The following SUGCT variants were observed in gnomAD, a reference collection of about 807,000 sequenced individuals.
The protein encoded by SUGCT is succinyl-CoA:glutarate-CoA transferase.
SUGCT carries 41 observed loss-of-function variants against 55.0 expected under a neutral mutation model. The observed-to-expected ratio is 0.74, with a 90% confidence interval of 0.58 to 0.97. The LOEUF (loss-of-function observed/expected upper bound fraction) is 0.97, where lower values mean the gene tolerates loss of function less well. SUGCT is among the 50% of genes least tolerant of loss of function. The pLI, the probability that SUGCT is intolerant of heterozygous loss-of-function variation, is 0.00. For synonymous variants in SUGCT, 187 were observed against 200.4 expected (o/e 0.93, Z 0.56); for missense variants, 568 against 547.8 (o/e 1.04, Z -0.37).
chr7:40,713,399 T>A (rs1785833038), intron 12 of SUGCT, among the ~76,000 whole-genome samples: 1 of 152,222 alleles, frequency 6.6e-6, no homozygotes, highest in Admixed American at 6.5e-5. Flanking sequence ...CTCCCATCTT[T>A]TCTTGGTTAT....
chr7:40,262,446 C>T (rs951562270), intron 7 of SUGCT, among the ~76,000 whole-genome samples: 5 of 145,718 alleles, frequency 3.4e-5, no homozygotes, highest in African/African-American at 7.7e-5. Context: ...GTCAGGAGAT[C>T]GAGACCATCC....
intron 12 of SUGCT, among the ~76,000 whole-genome samples, chr7:40,739,144 C>A (rs1305441137): frequency 3.9e-5 from 6 of 152,146 alleles, no homozygotes; most frequent in African/African-American, 1.4e-4. Flanking sequence ...CACAATATCA[C>A]ATTGAGGGCA....
At chr7:40,189,860 A>C (rs1184172987) in intron 5 of SUGCT, among the ~76,000 whole-genome samples, 1 of 152,168 alleles carries the variant, frequency 6.6e-6, no homozygotes, top group Non-Finnish European at 1.5e-5. Flanking sequence ...CACTTTGCTC[A>C]CATTATCTCC....
At chr7:40,980,978 G>T in the SUGCT span, among the ~76,000 whole-genome samples, 1 of 152,164 alleles carries the variant, frequency 6.6e-6, no homozygotes, top group Non-Finnish European at 1.5e-5. Flanking sequence ...GATTACAGGT[G>T]TGAGTCACCG....
chr7:40,191,700 A>G (rs540494326), intron 5 of SUGCT, among the ~76,000 whole-genome samples: 8 of 152,200 alleles, frequency 5.3e-5, no homozygotes, highest in Non-Finnish European at 1.2e-4. Context: ...TGGCCAGCCA[A>G]TTGCTTTTAG....
chr7:40,184,848 C>A (rs1349306310), intron 3 of SUGCT, among the ~76,000 whole-genome samples: 2 of 151,990 alleles, frequency 1.3e-5, no homozygotes, highest in Non-Finnish European at 2.9e-5. Flanking sequence ...AGTAGAATAT[C>A]TTTTTGTTTG....
At chr7:40,163,159 A>G (rs1784259604) in intron 1 of SUGCT, among the ~76,000 whole-genome samples, 1 of 152,228 alleles carries the variant, frequency 6.6e-6, no homozygotes. Context: ...TGACTCCAAC[A>G]TAATTGCAAG....
chr7:40,910,518 A>C, the SUGCT span, among the ~76,000 whole-genome samples: 1 of 152,174 alleles, frequency 6.6e-6, no homozygotes, highest in South Asian at 2.1e-4. Flanking sequence ...CTGCAGTGCA[A>C]ACAGAGAGGG....
At position 40,835,779 on chromosome 7, in the gene SUGCT, A is replaced by G. The variant is rs752760619; in HGVS notation, c.1154-24537A>G. Reference sequence around the variant, plus strand: ...TTATTAAGTCCTCTGGTTCAGGTAAATCACTTAACTTTTCTATCCCCCAAT... The same window carrying G: ...TTATTAAGTCCTCTGGTTCAGGTAAGTCACTTAACTTTTCTATCCCCCAAT... On this transcript the variant is annotated intron_variant, in intron 13 of 13. Transcript: ENST00000335693. Among the ~76,000 whole-genome samples the G allele has an allele frequency of 5.3e-5, 8 of 152,314 alleles. No homozygotes were observed. In the South Asian group the frequency reaches 6.2e-4, roughly 12 times the overall value.
chr7:40,467,655 C>G (rs1272085936), intron 11 of SUGCT, among the ~76,000 whole-genome samples: 1 of 152,056 alleles, frequency 6.6e-6, no homozygotes, highest in Non-Finnish European at 1.5e-5. Context: ...ATTCATGAAC[C>G]TCATTTCCAA....
Position 40,498,781 on chromosome 7 carries a change from A to G in SUGCT, c.1089+2395A>G, listed in dbSNP as rs149105113. 4.9e-3 allele frequency among the ~76,000 whole-genome samples: 752 copies of G among 152,280 alleles called. 11 individuals are homozygous for G. The highest frequency in any genetic ancestry group is 0.017 in the African/African-American group (703 of 41,572). ...GGTTATGATGGTGCCCTTTAAGGTT[A>G]TATTCTTGTTTAACTTCTTTTACTT... is the stretch of plus-strand genomic sequence containing the variant. On this transcript the variant is annotated intron_variant, in intron 12 of 13. Transcript: ENST00000335693.
chr7:40,819,564 A>G (rs994916719), intron 13 of SUGCT, among the ~76,000 whole-genome samples: 1 of 151,772 alleles, frequency 6.6e-6, no homozygotes, highest in Non-Finnish European at 1.5e-5. Context: ...TTCTTTTGAG[A>G]AGTGTCTGTT....
chr7:40,738,662 C>G (rs1347863047), intron 12 of SUGCT, among the ~76,000 whole-genome samples: 1 of 152,072 alleles, frequency 6.6e-6, no homozygotes. Flanking sequence ...TAAAATTGTA[C>G]AAGTAACAAA....
At chr7:40,953,746 A>G in the SUGCT span, among the ~76,000 whole-genome samples, 1 of 152,238 alleles carries the variant, frequency 6.6e-6, no homozygotes, top group Non-Finnish European at 1.5e-5. Context: ...GGGTATCAGC[A>G]GCGGAGGCTG....
chr7:40,976,773 C>A, the SUGCT span, among the ~76,000 whole-genome samples: 1 of 152,158 alleles, frequency 6.6e-6, no homozygotes, highest in African/African-American at 2.4e-5. Context: ...ATCCCCTTTT[C>A]TCACCAGAGG....
intron 12 of SUGCT, among the ~76,000 whole-genome samples, chr7:40,673,834 G>T (rs1802059616): frequency 6.6e-6 from 1 of 152,132 alleles, no homozygotes; most frequent in Admixed American, 6.6e-5. Context: ...TTTATGCATT[G>T]TGACTTTGTA....
intron 13 of SUGCT, among the ~76,000 whole-genome samples, chr7:40,757,392 T>C (rs1473541649): frequency 6.6e-6 from 1 of 152,186 alleles, no homozygotes; most frequent in African/African-American, 2.4e-5. Flanking sequence ...TTCTTATTTC[T>C]GTTAGTTGGG....
chr7:40,767,197 A>G (rs1463578704), intron 13 of SUGCT, among the ~76,000 whole-genome samples: 1 of 152,212 alleles, frequency 6.6e-6, no homozygotes, highest in African/African-American at 2.4e-5. Context: ...GACCCCCTGC[A>G]TTAAAGAAAA....
intron 12 of SUGCT, among the ~76,000 whole-genome samples, chr7:40,606,380 G>A (rs969747258): frequency 6.6e-6 from 1 of 152,140 alleles, no homozygotes; most frequent in Non-Finnish European, 1.5e-5. Flanking sequence ...AAGCGACCAC[G>A]TGTGAGGATA....
Sources: gnomAD v4.1 joint callset for allele counts (sites outside exome capture counted in the v4.1 genomes callset) on GRCh38, gnomAD v4.1.1 for gene constraint, MANE v1.5 for transcripts, NCBI Gene and HGNC (gene_info 2026-07-23, HGNC 2026-07-21) for gene names.